Variants in RUNX1 observed in about 807,000 individuals in gnomAD.
RUNX1 encodes the protein runt-related transcription factor 1.
A neutral mutation model predicts 42.8 loss-of-function variants in RUNX1; 19 were observed. That is an observed-to-expected ratio of 0.44 (90% CI 0.31 to 0.65). The LOEUF is 0.65. Among genes scored for constraint, RUNX1 ranks in the 30% least tolerant of loss-of-function variants. The probability of loss-of-function intolerance (pLI) is 0.07; values close to 1 mark genes in which losing one functional copy is unlikely to be tolerated. For synonymous variants in RUNX1, 271 were observed against 289.4 expected, an observed-to-expected ratio of 0.94 and a Z score of 0.64; for missense variants, 528 against 672.0, an observed-to-expected ratio of 0.79 and a Z score of 2.37.
At chr21:34,930,206 C>CATATATACATGTATATAT (rs2058429080) in intron 2 of RUNX1, among the ~76,000 whole-genome samples, 1 of 137,190 alleles carries the variant, frequency 7.3e-6, no homozygotes, top group Non-Finnish European at 1.5e-5. Context: ...ATTATATATA[C>CATATATACATGTATATAT]ATATATACAT....
chr21:34,882,869 G>A (rs1366118798), intron 4 of RUNX1, among the ~76,000 whole-genome samples: 1 of 151,938 alleles, frequency 6.6e-6, no homozygotes, highest in East Asian at 1.9e-4. Flanking sequence ...CTCTCCCTGT[G>A]GTAACCCAGG....
chr21:35,004,344 C>G (rs139097096), intron 2 of RUNX1, among the ~76,000 whole-genome samples: 1 of 152,276 alleles, frequency 6.6e-6, no homozygotes, highest in East Asian at 1.9e-4. Flanking sequence ...AAGCTAGAAC[C>G]AAGACACCAC....
At chr21:34,944,800 T>G (rs2058552670) in intron 2 of RUNX1, among the ~76,000 whole-genome samples, 1 of 152,196 alleles carries the variant, frequency 6.6e-6, no homozygotes, top group Non-Finnish European at 1.5e-5. Context: ...CTATACTATA[T>G]GAGAGACAGA....
intron 6 of RUNX1, among the ~76,000 whole-genome samples, chr21:34,838,515 T>C (rs1338516043): frequency 6.6e-6 from 1 of 152,198 alleles, no homozygotes; most frequent in Non-Finnish European, 1.5e-5. Flanking sequence ...ATGTATAAAA[T>C]TGTGGTTCTT....
intron 2 of RUNX1, among the ~76,000 whole-genome samples, chr21:34,999,789 C>A (rs563800827): frequency 6.6e-6 from 1 of 152,294 alleles, no homozygotes; most frequent in Admixed American, 6.5e-5. Flanking sequence ...CGGTGTAAAT[C>A]CTGGTCTTCC....
chr21:34,809,959 A>G (rs769039693), intron 7 of RUNX1, among the ~76,000 whole-genome samples: 29 of 152,238 alleles, frequency 1.9e-4, no homozygotes, highest in Non-Finnish European at 4.1e-4. Context: ...TCTGTTCCAC[A>G]CAGGTGTGTG....
chr21:34,817,111 T>C (rs2056837342), intron 7 of RUNX1, among the ~76,000 whole-genome samples: 1 of 152,182 alleles, frequency 6.6e-6, no homozygotes, highest in South Asian at 2.1e-4. Flanking sequence ...CCCTGGACTC[T>C]CTGAAGGCCA....
intron 7 of RUNX1, among the ~76,000 whole-genome samples, chr21:34,808,277 G>A (rs1202065280): frequency 6.6e-6 from 1 of 152,212 alleles, no homozygotes; most frequent in Non-Finnish European, 1.5e-5. Flanking sequence ...CCAAGCCGGG[G>A]CAGAACCCTG....
chr21:34,834,736 A>G lies in RUNX1; in HGVS notation c.614-135T>C. 2 of 769,390 alleles carry G rather than the reference A, an allele frequency of 2.6e-6. 1 individual carries two copies. Among genetic ancestry groups the G allele is most frequent in the Middle Eastern group, 7.4e-4 (2 of 2,706 alleles). The allele number at this position is 769,390 out of a possible 1,614,324, so 47.7% of individuals were successfully genotyped here. On this transcript the variant is annotated intron_variant, in intron 6 of 8. Transcript: ENST00000675419. The stretch of plus-strand genomic sequence containing the variant: ...CCTCTCTCTCCCCTCACCCCAACAT[A>G]GACTCGCTAGAGATATGCCAGCTGA...
Position 34,931,540 on chromosome 21 carries a change from T to C in RUNX1, c.59-38577A>G, listed in dbSNP as rs1028154931. On this transcript the variant is annotated intron_variant, in intron 2 of 8. Coordinates refer to ENST00000675419, the MANE Select transcript of RUNX1 (RefSeq NM_001754.5). Reference sequence around the variant, plus strand: ...ATTACATTATATATACACGTATATGTATTATATTTTATATGTATATAACGT... The same window carrying C: ...ATTACATTATATATACACGTATATGCATTATATTTTATATGTATATAACGT... Among the ~76,000 whole-genome samples the C allele has an allele frequency of 2.4e-5, 3 of 127,434 alleles. 1 individual carries two copies. The highest frequency in any genetic ancestry group is 2.3e-4 in the Admixed American group (3 of 13,224). 83.6% of individuals were successfully genotyped at this position (127,434 alleles called of 152,430 possible). A position where few individuals can be genotyped will look rare whatever the true frequency, so the allele number is the denominator to read the frequency against.
intron 7 of RUNX1, among the ~76,000 whole-genome samples, chr21:34,809,202 T>C (rs541410011): frequency 6.6e-6 from 1 of 152,208 alleles, no homozygotes; most frequent in East Asian, 1.9e-4. Context: ...TAGATTCTTC[T>C]ATGGCCACCC....
chr21:35,042,813 C>A (rs1268290383), intron 2 of RUNX1, among the ~76,000 whole-genome samples: 2 of 152,224 alleles, frequency 1.3e-5, no homozygotes, highest in African/African-American at 4.8e-5. Context: ...TCTCTACGTG[C>A]AGCCAAACAT....
At chr21:34,883,285 C>T (rs982367231) in intron 4 of RUNX1, among the ~76,000 whole-genome samples, 31 of 152,118 alleles carry the variant, frequency 2.0e-4, no homozygotes, top group African/African-American at 7.5e-4. Flanking sequence ...TATTTGGGCA[C>T]CTACATATCA....
intron 2 of RUNX1, among the ~76,000 whole-genome samples, chr21:34,976,171 C>T (rs1269391881): frequency 3.3e-5 from 5 of 151,268 alleles, no homozygotes; most frequent in African/African-American, 9.7e-5. Flanking sequence ...ATCATTTTCA[C>T]ACTGTTCAAG....
At chr21:35,028,216 G>A (rs2059250351) in intron 2 of RUNX1, among the ~76,000 whole-genome samples, 1 of 152,192 alleles carries the variant, frequency 6.6e-6, no homozygotes. Context: ...CTATTAAGAT[G>A]CAGATTCTTG....
chr21:34,801,115 A>C (rs1294685767), intron 7 of RUNX1, among the ~76,000 whole-genome samples: 1 of 152,106 alleles, frequency 6.6e-6, no homozygotes, highest in Non-Finnish European at 1.5e-5. Context: ...AGTGAAAAAA[A>C]AATCATATAC....
At position 34,914,845 on chromosome 21, in the gene RUNX1, C is replaced by T. The variant is rs549752814; in HGVS notation, c.59-21882G>A. ...GTGTCCCACTTCTTTTTGCCTGTGT[C>T]CTAATTGATTTGGAACTCAAGAGGG... On this transcript the variant is annotated intron_variant, in intron 2 of 8. Coordinates refer to ENST00000675419, the MANE Select transcript of RUNX1 (RefSeq NM_001754.5). Among the ~76,000 whole-genome samples the T allele has an allele frequency of 1.5e-3, 227 of 152,274 alleles. 1 individual carries two copies. Among genetic ancestry groups the T allele is most frequent in the Non-Finnish European group, 1.8e-3 (121 of 68,042 alleles).
At chr21:34,933,600 G>C (rs1034077970) in intron 2 of RUNX1, among the ~76,000 whole-genome samples, 3 of 152,198 alleles carry the variant, frequency 2.0e-5, no homozygotes, top group African/African-American at 7.2e-5. Flanking sequence ...ACGTATAGTA[G>C]CTGAAAGTAG....
chr21:34,889,676 C>T (rs1273402836), intron 3 of RUNX1: 11 of 1,157,234 alleles, frequency 9.5e-6, no homozygotes, highest in Non-Finnish European at 1.2e-5. Flanking sequence ...GCGGAACCCA[C>T]CCCGGCTTCG....
Sources: allele counts gnomAD v4.1 joint callset (sites outside exome capture counted in the v4.1 genomes callset), GRCh38; gene constraint gnomAD v4.1.1; transcripts MANE v1.5; gene names NCBI Gene and HGNC (gene_info 2026-07-23, HGNC 2026-07-21).